Variants in ADAM23 observed in about 807,000 individuals in gnomAD.
ADAM23 encodes the protein disintegrin and metalloproteinase domain-containing protein 23.
A neutral mutation model predicts 120.1 loss-of-function variants in ADAM23; 33 were observed. The observed-to-expected ratio is 0.27, with a 90% CI of 0.21 to 0.37. The LOEUF (loss-of-function observed/expected upper bound fraction) is 0.37. Among genes scored for constraint, ADAM23 ranks in the 10% least tolerant of loss-of-function variants. ADAM23 has a pLI of 1.00. For synonymous variants in ADAM23, 367 were observed against 375.2 expected (o/e 0.98, Z 0.25); for missense variants, 862 against 1,058.2 (o/e 0.81, Z 2.57).
chr2:206,580,366 C>T (rs1698199167), intron 18 of ADAM23, among the ~76,000 whole-genome samples: 1 of 152,136 alleles, frequency 6.6e-6, no homozygotes, highest in African/African-American at 2.4e-5. Flanking sequence ...TCACAGATGG[C>T]TTTTATTACA....
chr2:206,599,288 T>G (rs565342284), intron 24 of ADAM23, among the ~76,000 whole-genome samples: 7 of 151,952 alleles, frequency 4.6e-5, no homozygotes, highest in Non-Finnish European at 1.0e-4. Context: ...ATGAAGACAA[T>G]GGAGTCATTG....
At chr2:206,533,613 A>C (rs2105800352) in intron 4 of ADAM23, among the ~76,000 whole-genome samples, 1 of 152,354 alleles carries the variant, frequency 6.6e-6, no homozygotes, top group South Asian at 2.1e-4. Context: ...CTATGAAGTT[A>C]AATGTGAATG....
chr2:206,584,760 T>G (rs1412265235), intron 18 of ADAM23, among the ~76,000 whole-genome samples: 2 of 152,180 alleles, frequency 1.3e-5, no homozygotes, highest in Non-Finnish European at 2.9e-5. Flanking sequence ...CCAGGAGGCT[T>G]CTCGCCCAGT....
intron 3 of ADAM23, among the ~76,000 whole-genome samples, chr2:206,498,061 A>T (rs1278156089): frequency 6.6e-6 from 1 of 152,178 alleles, no homozygotes; most frequent in East Asian, 1.9e-4. Context: ...ATATCGTGAA[A>T]ATGGCCATAC....
intron 25 of ADAM23, among the ~76,000 whole-genome samples, 191 bp downstream of exon 25, chr2:206,610,191 G>T (rs1214106288): frequency 6.6e-6 from 1 of 152,162 alleles, no homozygotes; most frequent in African/African-American, 2.4e-5. Context: ...TCAGGCAAGT[G>T]GAAATGTAGA....
intron 4 of ADAM23, among the ~76,000 whole-genome samples, chr2:206,539,962 T>C (rs1559254839): frequency 6.6e-6 from 1 of 152,206 alleles, no homozygotes; most frequent in Non-Finnish European, 1.5e-5. Flanking sequence ...TAAAACTTTC[T>C]TATGATGATA....
chr2:206,589,104 CCAA>C (rs1272544026), intron 20 of ADAM23, among the ~76,000 whole-genome samples: 1 of 152,298 alleles, frequency 6.6e-6, no homozygotes, highest in Middle Eastern at 3.4e-3. Flanking sequence ...CTCAAACTCA[CCAA>C]CAAGGATTGG....
At chr2:206,454,269 C>T (rs1170455494) in intron 2 of ADAM23, among the ~76,000 whole-genome samples, 3 of 151,988 alleles carry the variant, frequency 2.0e-5, no homozygotes, top group African/African-American at 7.3e-5. Flanking sequence ...GCAAGTCTTA[C>T]CATGGCATAG....
intron 15 of ADAM23, among the ~76,000 whole-genome samples, chr2:206,568,093 A>G (rs998402395): frequency 6.6e-6 from 1 of 152,078 alleles, no homozygotes; most frequent in Non-Finnish European, 1.5e-5. Flanking sequence ...GAGCCAAACC[A>G]TGCAGGGCCT....
chr2:206,500,361 C>T (rs1315687204), intron 3 of ADAM23, among the ~76,000 whole-genome samples: 2 of 152,128 alleles, frequency 1.3e-5, no homozygotes, highest in African/African-American at 2.4e-5. Flanking sequence ...TTAGATATTA[C>T]TCCACATTTG....
intron 4 of ADAM23, among the ~76,000 whole-genome samples, chr2:206,537,367 T>G (rs752207953): frequency 6.6e-6 from 1 of 152,092 alleles, no homozygotes; most frequent in Non-Finnish European, 1.5e-5. Flanking sequence ...GTAGGGTTGA[T>G]GCAGAGTGGA....
intron 13 of ADAM23, among the ~76,000 whole-genome samples, chr2:206,564,138 C>T (rs1290028092): frequency 1.3e-5 from 2 of 151,956 alleles, no homozygotes; most frequent in Non-Finnish European, 2.9e-5. Context: ...ATATACCTCT[C>T]TCTCTCTATA....
chr2:206,491,799 A>G (rs1457235914), intron 3 of ADAM23, among the ~76,000 whole-genome samples: 1 of 152,228 alleles, frequency 6.6e-6, no homozygotes, highest in Non-Finnish European at 1.5e-5. Flanking sequence ...TCAAAGAGGA[A>G]TTATCCCTTG....
chr2:206,460,363 C>T (rs1574478975), intron 2 of ADAM23, among the ~76,000 whole-genome samples: 1 of 152,320 alleles, frequency 6.6e-6, no homozygotes, highest in South Asian at 2.1e-4. Context: ...GGTTCCAATT[C>T]TCCACATCCT....
chr2:206,598,986 C>G (rs546625952), intron 24 of ADAM23, among the ~76,000 whole-genome samples: 3 of 148,598 alleles, frequency 2.0e-5, no homozygotes, highest in Admixed American at 6.7e-5. Flanking sequence ...AGGCGGATCA[C>G]CTGGGGTCAG....
intron 3 of ADAM23, among the ~76,000 whole-genome samples, chr2:206,494,595 A>G (rs13389734): frequency 6.6e-6 from 1 of 152,172 alleles, no homozygotes; most frequent in Non-Finnish European, 1.5e-5. Flanking sequence ...GTGGTGAGGG[A>G]CAATAACTTT....
intron 23 of ADAM23, among the ~76,000 whole-genome samples, chr2:206,595,538 G>T (rs1029190594): frequency 4.6e-5 from 7 of 152,094 alleles, no homozygotes; most frequent in African/African-American, 1.7e-4. Flanking sequence ...AGTGAGTTTG[G>T]TGTTGGACGT....
chr2:206,469,048 C>T (rs534408544), intron 2 of ADAM23, among the ~76,000 whole-genome samples: 2 of 152,262 alleles, frequency 1.3e-5, no homozygotes, highest in South Asian at 2.1e-4. Context: ...CATGAGAAAC[C>T]GTCCTCTTGA....
intron 12 of ADAM23, 88 bp from the exon 13 acceptor site, chr2:206,562,115 G>C: frequency 8.9e-7 from 1 of 1,125,150 alleles, no homozygotes; most frequent in South Asian, 1.4e-5. Flanking sequence ...AGGGAACTGA[G>C]AAGATTTGTG....
Sources: allele counts gnomAD v4.1 joint callset (sites outside exome capture counted in the v4.1 genomes callset), GRCh38; gene constraint gnomAD v4.1.1; transcripts MANE v1.5; gene names NCBI Gene and HGNC (gene_info 2026-07-23, HGNC 2026-07-21).